Variants in AGBL4 observed in about 807,000 individuals in gnomAD.
AGBL4 encodes AGBL carboxypeptidase 4.
A neutral mutation model predicts 66.4 loss-of-function variants in AGBL4; 58 were observed. That is an observed-to-expected ratio of 0.87 (90% CI 0.71 to 1.09). The LOEUF is 1.09. Among genes scored for constraint, AGBL4 ranks in the 50% least tolerant of loss-of-function variants. The pLI, the probability that AGBL4 is intolerant of heterozygous loss-of-function variation, is 0.00. For missense variants in AGBL4, 579 were observed against 631.0 expected, an observed-to-expected ratio of 0.92 and a Z score of 0.88; for synonymous variants, 234 against 222.9, an observed-to-expected ratio of 1.05 and a Z score of -0.44.
intron 4 of AGBL4, among the ~76,000 whole-genome samples, chr1:49,208,976 G>C (rs964365015): frequency 6.6e-6 from 1 of 152,046 alleles, no homozygotes; most frequent in Non-Finnish European, 1.5e-5. Flanking sequence ...CCAGAAGCAG[G>C]GAGTGAGTCA....
chr1:48,984,201 A>G (rs1462290767), intron 5 of AGBL4, among the ~76,000 whole-genome samples: 3 of 151,998 alleles, frequency 2.0e-5, no homozygotes, highest in Non-Finnish European at 4.4e-5. Flanking sequence ...TAGAAGCCTG[A>G]AGATAAAGTT....
At chr1:48,709,450 T>C (rs1451116418) in intron 6 of AGBL4, among the ~76,000 whole-genome samples, 1 of 146,298 alleles carries the variant, frequency 6.8e-6, no homozygotes, top group East Asian at 1.9e-4. Context: ...CTAATCTAAA[T>C]AGTTATTTGA....
At chr1:49,605,266 A>T (rs965875127) in intron 3 of AGBL4, among the ~76,000 whole-genome samples, 1 of 152,182 alleles carries the variant, frequency 6.6e-6, no homozygotes, top group African/African-American at 2.4e-5. Flanking sequence ...AAGTGCTAAA[A>T]TTCTACCAAA....
intron 9 of AGBL4, among the ~76,000 whole-genome samples, chr1:48,628,769 T>C (rs1403378807): frequency 6.6e-6 from 1 of 151,580 alleles, no homozygotes; most frequent in Non-Finnish European, 1.5e-5. Flanking sequence ...GTATTACCAA[T>C]CTCCAAAGGA....
At chr1:49,814,096 T>C (rs529418513) in intron 2 of AGBL4, among the ~76,000 whole-genome samples, 3 of 152,136 alleles carry the variant, frequency 2.0e-5, no homozygotes, top group African/African-American at 7.2e-5. Flanking sequence ...TGTGGAACCA[T>C]GAGTCCATTA....
intron 1 of AGBL4, among the ~76,000 whole-genome samples, chr1:49,932,764 A>G (rs1653499347): frequency 1.3e-5 from 2 of 152,196 alleles, no homozygotes; most frequent in African/African-American, 4.8e-5. Context: ...TCAAAATACC[A>G]TTATCAAACC....
intron 2 of AGBL4, among the ~76,000 whole-genome samples, chr1:49,824,946 G>A (rs1645468977): frequency 6.6e-6 from 1 of 151,950 alleles, no homozygotes; most frequent in Non-Finnish European, 1.5e-5. Context: ...CTATTTTTTG[G>A]TTTGCCTCTA....
chr1:49,347,667 G>A (rs990413587), intron 3 of AGBL4, among the ~76,000 whole-genome samples: 1 of 151,672 alleles, frequency 6.6e-6, no homozygotes, highest in Non-Finnish European at 1.5e-5. Context: ...AGACCATCCC[G>A]GCCAACATGG....
chr1:49,063,674 G>A (rs1357076792), intron 4 of AGBL4, among the ~76,000 whole-genome samples: 1 of 152,170 alleles, frequency 6.6e-6, no homozygotes, highest in Non-Finnish European at 1.5e-5. Flanking sequence ...GAAAAAGACA[G>A]CATAAGGGAA....
intron 11 of AGBL4, among the ~76,000 whole-genome samples, chr1:48,552,920 G>A (rs1380099508): frequency 6.6e-6 from 1 of 151,838 alleles, no homozygotes; most frequent in Non-Finnish European, 1.5e-5. Context: ...TCATTACTTT[G>A]GCAGGGAAGA....
intron 4 of AGBL4, among the ~76,000 whole-genome samples, chr1:49,137,969 A>G (rs897101377): frequency 2.0e-5 from 3 of 152,162 alleles, no homozygotes; most frequent in Non-Finnish European, 4.4e-5. Flanking sequence ...AGCTTAAACA[A>G]GGAAGATTTA....
intron 5 of AGBL4, among the ~76,000 whole-genome samples, chr1:48,878,773 T>C (rs1207258127): frequency 6.6e-6 from 1 of 152,100 alleles, no homozygotes; most frequent in Non-Finnish European, 1.5e-5. Context: ...CTGTGAAAAA[T>C]ATCATGACAT....
At chr1:48,777,620 ATCTGAGATT>A (rs1266517731) in intron 6 of AGBL4, among the ~76,000 whole-genome samples, 2 of 152,250 alleles carry the variant, frequency 1.3e-5, no homozygotes, top group East Asian at 3.9e-4. Context: ...ACTGGGGCTT[ATCTGAGATT>A]TCCAGTTGTG....
chr1:49,521,727 T>A (rs1650278815), intron 3 of AGBL4, among the ~76,000 whole-genome samples: 1 of 152,054 alleles, frequency 6.6e-6, no homozygotes, highest in African/African-American at 2.4e-5. Context: ...ACTAAGAATA[T>A]CATTTTGAAC....
intron 1 of AGBL4, among the ~76,000 whole-genome samples, chr1:49,909,914 A>T (rs1050701120): frequency 6.6e-6 from 1 of 152,198 alleles, no homozygotes; most frequent in Non-Finnish European, 1.5e-5. Flanking sequence ...GAAAGGGGAG[A>T]AAATCAAAAG....
At chr1:49,847,954 G>T (rs567949945) in intron 2 of AGBL4, among the ~76,000 whole-genome samples, 1 of 152,184 alleles carries the variant, frequency 6.6e-6, no homozygotes, top group Non-Finnish European at 1.5e-5. Context: ...GCCCGCCTGG[G>T]CCTCCCAAAT....
intron 3 of AGBL4, among the ~76,000 whole-genome samples, chr1:49,406,046 A>G (rs925639743): frequency 2.0e-5 from 3 of 152,232 alleles, no homozygotes; most frequent in Admixed American, 6.5e-5. Flanking sequence ...TGCCCAAACA[A>G]TCTTAACATA....
intron 3 of AGBL4, among the ~76,000 whole-genome samples, chr1:49,338,029 A>G (rs1645471428): frequency 6.6e-6 from 1 of 152,198 alleles, no homozygotes. Context: ...GAATCAGTTA[A>G]ATTGCCCAAA....
intron 3 of AGBL4, among the ~76,000 whole-genome samples, chr1:49,304,156 T>A (rs1644806853): frequency 6.6e-6 from 1 of 152,178 alleles, no homozygotes; most frequent in Non-Finnish European, 1.5e-5. Flanking sequence ...AATTTTTGTA[T>A]AAGGTGTAAG....
Sources: gnomAD v4.1 joint callset for allele counts (sites outside exome capture counted in the v4.1 genomes callset) on GRCh38, gnomAD v4.1.1 for gene constraint, MANE v1.5 for transcripts, NCBI Gene and HGNC (gene_info 2026-07-23, HGNC 2026-07-21) for gene names.